CFAP74: variants seen among roughly 807,000 people sequenced by gnomAD.
The protein encoded by CFAP74 is cilia- and flagella-associated protein 74.
Under a neutral mutation model 188.9 loss-of-function variants are expected in CFAP74, and 124 were observed. That is an observed-to-expected ratio of 0.66 (90% CI 0.57 to 0.76). CFAP74 has a LOEUF of 0.76. CFAP74 is among the 30% of genes least tolerant of loss of function. The pLI, the probability that CFAP74 is intolerant of heterozygous loss-of-function variation, is 0.00. For synonymous variants in CFAP74, 956 were observed against 916.7 expected (o/e 1.04, Z -0.77); for missense variants, 2,198 against 2,165.2 (o/e 1.02, Z -0.30).
At chr1:1,933,138 G>C (rs140540457) in intron 25 of CFAP74, among the ~76,000 whole-genome samples, 4 of 150,972 alleles carry the variant, frequency 2.6e-5, no homozygotes, top group Admixed American at 6.6e-5. Flanking sequence ...TGCGCACCTC[G>C]GCCTCCCAAA....
chr1:1,974,028 A>G lies in CFAP74; in HGVS notation c.671T>C (p.Ile224Thr), dbSNP rs201523662. Residue 224 changes from isoleucine (I) to threonine (T), a missense_variant, in exon 7 of 39, where the codon ATC becomes ACC. Ile to Thr is a moderately conservative substitution (Grantham distance 89, BLOSUM62 -1). Coordinates refer to ENST00000682832, the MANE Select transcript of CFAP74 (RefSeq NM_001304360.2). ...GGTGGGCCTGGGTGTCGCCTACCTGATCCTCAGCAGTCGGTTCCGCTCCAC... is the reference window on the plus strand; with the variant it reads ...GGTGGGCCTGGGTGTCGCCTACCTGGTCCTCAGCAGTCGGTTCCGCTCCAC... ...GKVERNRLLR[I>T]RKSLNTQKEL... is the part of the protein sequence containing the mutation. 1.4e-4 allele frequency: 218 copies of G among 1,571,296 alleles called. No individual in the cohort carries two copies. In the African/African-American group the frequency reaches 2.8e-3, roughly 20 times the overall value.
Position 1,938,946 on chromosome 1 carries a change from G to A in CFAP74, c.2920C>T (p.Pro974Ser), listed in dbSNP as rs1428029688. ...QPNDGFGTIL[P>S]LETLQFCVIF... ...ACACAGAACTGCAGCGTTTCCAGGG[G>A]CAGGATCGTCCCAAACCCATCGTTG... The change falls in exon 25 of 39, where the codon CCC (proline) becomes TCC (serine). Residue 974 changes from proline to serine, a missense_variant. By Grantham distance (74) the Pro-to-Ser change is moderately conservative. Transcript: ENST00000682832. 6 of 1,536,024 alleles carry A rather than the reference G, an allele frequency of 3.9e-6. No homozygotes were observed. The African/African-American group carries it at 4.1e-5, about 11-fold the overall frequency.
At chr1:1,939,309 G>T (rs944132237) in intron 24 of CFAP74, among the ~76,000 whole-genome samples, 5 of 152,248 alleles carry the variant, frequency 3.3e-5, no homozygotes, top group Non-Finnish European at 7.3e-5. Flanking sequence ...CTTGGGCCTC[G>T]TCCCAGCTAC....
intron 6 of CFAP74, chr1:1,985,174 C>G (rs1448107998): frequency 5.8e-6 from 3 of 518,968 alleles, no homozygotes; most frequent in East Asian, 2.9e-5. Flanking sequence ...TTTGGAGTTC[C>G]TAGGAACATA....
At chr1:1,991,845 C>T (rs951363125) in intron 1 of CFAP74, among the ~76,000 whole-genome samples, 6 of 151,918 alleles carry the variant, frequency 3.9e-5, no homozygotes, top group African/African-American at 7.3e-5. Flanking sequence ...CGAGACTATC[C>T]TGGCTAGCAC....
At chr1:1,948,842 T>C (rs1212795771) in intron 18 of CFAP74, among the ~76,000 whole-genome samples, 2 of 147,344 alleles carry the variant, frequency 1.4e-5, no homozygotes, top group Non-Finnish European at 3.0e-5. Context: ...TGCCTGATAA[T>C]ACCCATGTCT....
intron 25 of CFAP74, 133 bp from the exon 26 acceptor site, chr1:1,930,469 G>T: frequency 1.2e-6 from 1 of 832,628 alleles, no homozygotes; most frequent in Non-Finnish European, 1.8e-6. Flanking sequence ...CTGCTGCCCA[G>T]GGGGTCACTG....
At chr1:1,991,955 G>C (rs1320332673) in intron 1 of CFAP74, among the ~76,000 whole-genome samples, 1 of 151,440 alleles carries the variant, frequency 6.6e-6, no homozygotes, top group Non-Finnish European at 1.5e-5. Context: ...CAGGAGAATG[G>C]TGTGAACCCA....
Position 1,971,970 on chromosome 1 carries a change from G to T in CFAP74, c.888+10C>A. The T allele has an allele frequency of 6.2e-7, 1 of 1,601,966 alleles. No individual in the cohort carries two copies. Among genetic ancestry groups the T allele is most frequent in the Non-Finnish European group, 8.5e-7 (1 of 1,175,284 alleles). ...CAAGGGAGAGGCTGGGTGGGGCTGC[G>T]GGGGCCTACCCGGTTCGCGGAGATG... On this transcript the variant is annotated intron_variant, in intron 9 of 38. Transcript: ENST00000682832.
chr1:1,987,730 C>T (rs1462571055), intron 4 of CFAP74, among the ~76,000 whole-genome samples: 19 of 152,056 alleles, frequency 1.2e-4, no homozygotes, highest in East Asian at 1.9e-4. Context: ...TTAGTAGAGA[C>T]GGGGTTTCAC....
chr1:1,991,107 A>G, intron 1 of CFAP74, 132 bp from the exon 2 acceptor site: 1 of 609,610 alleles, frequency 1.6e-6, no homozygotes, highest in South Asian at 2.2e-5. Context: ...CAGCACACAC[A>G]TATCTGACAC....
chr1:1,988,196 T>C (rs1223482824), intron 4 of CFAP74: 5 of 560,142 alleles, frequency 8.9e-6, no homozygotes, highest in Non-Finnish European at 1.0e-5. Flanking sequence ...TAGCACAAAA[T>C]CCCATAGATA....
chr1:1,942,165 G>C lies in CFAP74; in HGVS notation c.2487-9C>G, dbSNP rs982993314. On this transcript the variant is annotated splice_polypyrimidine_tract_variant and intron_variant, in intron 21 of 38. Coordinates refer to ENST00000682832, the MANE Select transcript of CFAP74 (RefSeq NM_001304360.2). The surrounding 1 kb of genome is among the most constrained non-coding windows in gnomAD (Gnocchi z 4.3). ...GCAGGGCAGCTTTCGACCTGTGGGCGTGTCGCAGGGCACTGGGTCAGGTGC... is the reference window on the plus strand; with the variant it reads ...GCAGGGCAGCTTTCGACCTGTGGGCCTGTCGCAGGGCACTGGGTCAGGTGC... 138 of 1,499,786 alleles carry C rather than the reference G, an allele frequency of 9.2e-5. No individual in the cohort carries two copies. Among genetic ancestry groups the C allele is most frequent in the Non-Finnish European group, 1.2e-4 (133 of 1,129,500 alleles). 92.9% of individuals were successfully genotyped at this position (1,499,786 alleles called of 1,614,324 possible). A position where few individuals can be genotyped will look rare whatever the true frequency, so the allele number is the denominator to read the frequency against.
chr1:1,955,645 C>T lies in CFAP74; in HGVS notation c.2176+46G>A, dbSNP rs1487562147. 3.7e-6 allele frequency: 6 copies of T among 1,604,534 alleles called. No homozygotes were observed. The East Asian group carries it at 1.1e-4, about 30-fold the overall frequency. ...AGCCCCCTGGAATGCTGCCCTGAGG[C>T]CCTCACCGCCCGCCCACCCTGGCTT... On this transcript the variant is annotated intron_variant, in intron 18 of 38. Coordinates refer to ENST00000682832, the MANE Select transcript of CFAP74 (RefSeq NM_001304360.2).
rs765351857 is a variant in CFAP74 at position 1,968,768 on chromosome 1, G to C, written c.1112C>G (p.Ala371Gly). 1.9e-6 allele frequency: 3 copies of C among 1,614,080 alleles called. No homozygotes were observed. The highest frequency in any genetic ancestry group is 1.7e-6 in the Non-Finnish European group (2 of 1,179,980). ...CTGTTTCTTCCTCTTTTCCTCCTCAGCCTCCTCTTTCAGAATCCGACTGAT... is the reference window on the plus strand; with the variant it reads ...CTGTTTCTTCCTCTTTTCCTCCTCACCCTCCTCTTTCAGAATCCGACTGAT... ...EIISRILKEE[A>G]EEEKRKKQHP... The change falls in exon 11 of 39, where the codon GCT (alanine) becomes GGT (glycine). Residue 371 changes from alanine (A) to glycine (G), a missense_variant. Coordinates refer to ENST00000682832, the MANE Select transcript of CFAP74 (RefSeq NM_001304360.2). The surrounding 1 kb of genome is among the most constrained non-coding windows in gnomAD (Gnocchi z 4.3).
At chr1:1,935,955 T>G (rs1233623927) in intron 25 of CFAP74, among the ~76,000 whole-genome samples, 1 of 151,962 alleles carries the variant, frequency 6.6e-6, no homozygotes, top group African/African-American at 2.4e-5. Flanking sequence ...TAGTGGCTCA[T>G]GCCTGTAATC....
chr1:1,925,358 A>ACAGGGCAGTGCGAGGCATGAGAGCACG (rs1478965692), intron 33 of CFAP74, among the ~76,000 whole-genome samples: 1 of 151,292 alleles, frequency 6.6e-6, no homozygotes, highest in African/African-American at 2.4e-5. Context: ...ATGAGAGCAC[A>ACAGGGCAGTGCGAGGCATGAGAGCACG]CAGGGCAGTG....
rs1373550617 is a variant in CFAP74, at chr1:1,932,023, C to T, written c.3012-1687G>A. ...AGAGGTTGCGGTGAGCTGAGATCGCCCCACTGCACTCCAGTCTGGGTGACA... is the reference window on the plus strand; with the variant it reads ...AGAGGTTGCGGTGAGCTGAGATCGCTCCACTGCACTCCAGTCTGGGTGACA... On this transcript the variant is annotated intron_variant, in intron 25 of 38. Transcript: ENST00000682832. Among the ~76,000 whole-genome samples, 3 of 136,830 alleles carry T rather than the reference C, an allele frequency of 2.2e-5. 1 individual carries two copies. Among genetic ancestry groups the T allele is most frequent in the African/African-American group, 8.1e-5 (3 of 36,944 alleles). The allele number at this position is 136,830 out of a possible 152,430, so 89.8% of individuals were successfully genotyped here. A position where few individuals can be genotyped will look rare whatever the true frequency, so the allele number is the denominator to read the frequency against.
At chr1:1,970,856 C>A (rs1209110206) in intron 9 of CFAP74, 40 bp from the exon 10 acceptor site, 2 of 1,609,500 alleles carry the variant, frequency 1.2e-6, no homozygotes, top group East Asian at 2.2e-5. Context: ...CAGCAGCACC[C>A]ACGGGCACAT....
Sources: allele counts gnomAD v4.1 joint callset (sites outside exome capture counted in the v4.1 genomes callset), GRCh38; gene constraint gnomAD v4.1.1; non-coding constraint Gnocchi (gnomAD v3.1); transcripts MANE v1.5; gene names NCBI Gene and HGNC (gene_info 2026-07-23, HGNC 2026-07-21).